The following RAB7A variants were observed in gnomAD, a reference collection of about 807,000 sequenced individuals.
RAB7A encodes the protein RAB7A, member RAS oncogene family, also known as ras-related protein Rab-7a.
Under a neutral mutation model 24.5 loss-of-function variants are expected in RAB7A, and 2 were observed. That is an observed-to-expected ratio of 0.08 (90% CI 0.03 to 0.26). The LOEUF is 0.26. Ranked by LOEUF, RAB7A falls within the 10% of genes least tolerant of loss-of-function variation. RAB7A has a pLI of 1.00. For synonymous variants in RAB7A, 100 were observed against 95.9 expected, an observed-to-expected ratio of 1.04 and a Z score of -0.25; for missense variants, 118 against 255.7, an observed-to-expected ratio of 0.46 and a Z score of 3.67.
intron 2 of RAB7A, among the ~76,000 whole-genome samples, chr3:128,797,019 G>A (rs1308936508): frequency 6.6e-6 from 1 of 152,096 alleles, no homozygotes; most frequent in Non-Finnish European, 1.5e-5. Flanking sequence ...GTGGGCTAGG[G>A]CCTAGATTTG....
intron 5 of RAB7A, among the ~76,000 whole-genome samples, chr3:128,809,934 G>GTAT: frequency 2.1e-5 from 1 of 47,550 alleles, no homozygotes; most frequent in Non-Finnish European, 4.1e-5. Context: ...TCTTGCCACA[G>GTAT]TCTTTTTTTT....
chr3:128,755,097 A>AGACC (rs1443146454), intron 1 of RAB7A, among the ~76,000 whole-genome samples: 1 of 152,246 alleles, frequency 6.6e-6, no homozygotes, highest in Non-Finnish European at 1.5e-5. Flanking sequence ...TCTTTAGGAT[A>AGACC]GACCATACAT....
intron 3 of RAB7A, among the ~76,000 whole-genome samples, chr3:128,804,117 C>G (rs564100218): frequency 6.6e-6 from 1 of 150,726 alleles, no homozygotes; most frequent in Non-Finnish European, 1.5e-5. Flanking sequence ...TCCCTGGGCC[C>G]CCCCCCGCCC....
chr3:128,774,822 T>A (rs1174445604), intron 1 of RAB7A, among the ~76,000 whole-genome samples: 1 of 152,134 alleles, frequency 6.6e-6, no homozygotes, highest in African/African-American at 2.4e-5. Flanking sequence ...TCCGCCCACC[T>A]CGGCCTCCCA....
intron 1 of RAB7A, among the ~76,000 whole-genome samples, chr3:128,767,723 GAGAATTA>G (rs2070845070): frequency 6.6e-6 from 1 of 152,170 alleles, no homozygotes; most frequent in South Asian, 2.1e-4. Context: ...GTTTGCAGCA[GAGAATTA>G]AGAAAAGCTG....
intron 3 of RAB7A, 90 bp from the exon 4 acceptor site, chr3:128,806,282 C>G (rs1012724147): frequency 1.1e-5 from 14 of 1,226,554 alleles, no homozygotes; most frequent in Non-Finnish European, 1.6e-5. Context: ...GCCCCACAAT[C>G]TAGCCTATTT....
chr3:128,729,938 A>G (rs2070418184), intron 1 of RAB7A, among the ~76,000 whole-genome samples: 1 of 152,168 alleles, frequency 6.6e-6, no homozygotes, highest in African/African-American at 2.4e-5. Context: ...AACTCGAGAA[A>G]TGAACTCCCC....
At chr3:128,797,718 G>A (rs1933605916) in intron 2 of RAB7A, among the ~76,000 whole-genome samples, 1 of 152,220 alleles carries the variant, frequency 6.6e-6, no homozygotes, top group African/African-American at 2.4e-5. Flanking sequence ...CATGTAAGCA[G>A]CTTTTCCACA....
intron 1 of RAB7A, among the ~76,000 whole-genome samples, chr3:128,750,726 T>TA (rs2070672752): frequency 6.6e-6 from 1 of 152,198 alleles, no homozygotes; most frequent in Non-Finnish European, 1.5e-5. Context: ...TTCAAGCCCT[T>TA]ACAGAAATTA....
chr3:128,768,533 C>T (rs1467478837), intron 1 of RAB7A, among the ~76,000 whole-genome samples: 1 of 151,854 alleles, frequency 6.6e-6, no homozygotes, highest in African/African-American at 2.4e-5. Flanking sequence ...TAAAATTTGC[C>T]TATGTAAAGT....
chr3:128,794,547 C>T (rs991502182), intron 1 of RAB7A, among the ~76,000 whole-genome samples: 7 of 152,294 alleles, frequency 4.6e-5, no homozygotes, highest in Admixed American at 4.6e-4. Flanking sequence ...ACAAGTAGTT[C>T]TTCTGAGTCC....
chr3:128,798,828 A>T, intron 3 of RAB7A: 1 of 256,600 alleles, frequency 3.9e-6, no homozygotes, highest in Non-Finnish European at 7.4e-6. Flanking sequence ...ATTTAAAAAA[A>T]AAAAAAAAAA....
At chr3:128,789,280 G>A (rs1933403914) in intron 1 of RAB7A, among the ~76,000 whole-genome samples, 2 of 151,132 alleles carry the variant, frequency 1.3e-5, no homozygotes, top group South Asian at 4.2e-4. Context: ...GAAGTGGTCG[G>A]TGCTTTAGAG....
At chr3:128,792,330 C>T (rs1366036095) in intron 1 of RAB7A, among the ~76,000 whole-genome samples, 1 of 152,192 alleles carries the variant, frequency 6.6e-6, no homozygotes, top group Non-Finnish European at 1.5e-5. Context: ...TCCCTTTTCC[C>T]ATTCTTAAAA....
In RAB7A at chr3:128,814,069, C is replaced by G. The variant is rs1933986416; in HGVS notation, c.*647C>G. On this transcript the variant is annotated 3_prime_UTR_variant, in exon 6 of 6. Transcript: ENST00000265062. ...TTATAGTACATGTTAATATATGCAACCAATTAAAATGTATAAATTAGTGTA... is the reference window on the plus strand; with the variant it reads ...TTATAGTACATGTTAATATATGCAAGCAATTAAAATGTATAAATTAGTGTA... The G allele has an allele frequency of 6.4e-6, 1 of 156,244 alleles. No homozygotes were observed. The highest frequency in any genetic ancestry group is 1.4e-5 in the Non-Finnish European group (1 of 70,144). 9.7% of individuals were successfully genotyped at this position (156,244 alleles called of 1,614,324 possible).
At chr3:128,773,266 G>GC (rs1253813517) in intron 1 of RAB7A, among the ~76,000 whole-genome samples, 67 of 151,454 alleles carry the variant, frequency 4.4e-4, no homozygotes, top group African/African-American at 1.6e-3. Context: ...GAAGTGAGGA[G>GC]CCCCTCCACC....
At chr3:128,739,662 CAT>C (rs1214790252) in intron 1 of RAB7A, among the ~76,000 whole-genome samples, 1 of 151,948 alleles carries the variant, frequency 6.6e-6, no homozygotes, top group Admixed American at 6.6e-5. Context: ...AAAATTTAAC[CAT>C]ATAGTCAGCT....
intron 1 of RAB7A, among the ~76,000 whole-genome samples, chr3:128,741,717 C>A (rs943069055): frequency 6.6e-6 from 1 of 152,042 alleles, no homozygotes; most frequent in African/African-American, 2.4e-5. Flanking sequence ...CTGTTTCATT[C>A]TTTGTCTGTG....
At chr3:128,738,109 T>C (rs2070510794) in intron 1 of RAB7A, among the ~76,000 whole-genome samples, 1 of 152,130 alleles carries the variant, frequency 6.6e-6, no homozygotes, top group African/African-American at 2.4e-5. Context: ...CACAGCTCAC[T>C]GCAGCCTTGA....
Sources: gnomAD v4.1 joint callset for allele counts (sites outside exome capture counted in the v4.1 genomes callset) on GRCh38, gnomAD v4.1.1 for gene constraint, MANE v1.5 for transcripts, NCBI Gene and HGNC (gene_info 2026-07-23, HGNC 2026-07-21) for gene names.